The following PTPRN2 variants were observed in gnomAD, a reference collection of about 807,000 sequenced individuals.
PTPRN2 encodes the protein protein tyrosine phosphatase receptor type N2, also known as receptor-type tyrosine-protein phosphatase N2.
A neutral mutation model predicts 118.8 loss-of-function variants in PTPRN2; 74 were observed. The ratio of observed to expected loss-of-function variants is 0.62; its 90% CI spans 0.52 to 0.76. The LOEUF (loss-of-function observed/expected upper bound fraction) is 0.76, where lower values mean the gene tolerates loss of function less well. PTPRN2 is among the 30% of genes least tolerant of loss of function. The pLI is 0.00. For missense variants in PTPRN2, 1,481 were observed against 1,394.4 expected (o/e 1.06, Z -0.99); for synonymous variants, 641 against 608.0 (o/e 1.05, Z -0.80).
chr7:157,584,768 G>A (rs1255267774), intron 17 of PTPRN2, among the ~76,000 whole-genome samples: 3 of 152,242 alleles, frequency 2.0e-5, no homozygotes, highest in South Asian at 2.1e-4. Flanking sequence ...GGAGCTCACC[G>A]ATGCCTGGAA....
At chr7:157,972,346 G>T (rs555502389) in intron 11 of PTPRN2, among the ~76,000 whole-genome samples, 1 of 152,206 alleles carries the variant, frequency 6.6e-6, no homozygotes, top group Admixed American at 6.5e-5. Flanking sequence ...ATGGGACCTC[G>T]GGTCTTAAAG....
chr7:158,055,627 T>C (rs1809725980), intron 11 of PTPRN2, among the ~76,000 whole-genome samples: 1 of 152,152 alleles, frequency 6.6e-6, no homozygotes, highest in South Asian at 2.1e-4. Flanking sequence ...GTACTAAAAG[T>C]CTGATATGCA....
At chr7:158,501,684 C>T (rs1343022804) in intron 1 of PTPRN2, among the ~76,000 whole-genome samples, 2 of 152,296 alleles carry the variant, frequency 1.3e-5, no homozygotes, top group African/African-American at 2.4e-5. Flanking sequence ...CCACCAAAGG[C>T]GCTGTCACAG....
chr7:158,302,490 C>T (rs1250520676), intron 3 of PTPRN2, among the ~76,000 whole-genome samples: 2 of 152,250 alleles, frequency 1.3e-5, no homozygotes, highest in East Asian at 1.9e-4. Flanking sequence ...CCCAATTCAG[C>T]TTCCCTCACC....
At chr7:157,841,901 T>TA (rs1157863300) in intron 12 of PTPRN2, among the ~76,000 whole-genome samples, 1 of 82,604 alleles carries the variant, frequency 1.2e-5, no homozygotes, top group Non-Finnish European at 2.3e-5. Context: ...CAGCATACAG[T>TA]ACCCGGGGAC....
intron 11 of PTPRN2, among the ~76,000 whole-genome samples, chr7:158,000,371 C>G (rs1225325951): frequency 5.6e-5 from 1 of 17,856 alleles, no homozygotes; most frequent in Non-Finnish European, 1.6e-4. Flanking sequence ...GCCCCAGGGC[C>G]ATGCTTGGTT....
chr7:157,648,870 TC>T (rs1306109284), intron 14 of PTPRN2, among the ~76,000 whole-genome samples: 22 of 145,976 alleles, frequency 1.5e-4, no homozygotes, highest in Non-Finnish European at 1.6e-4. Flanking sequence ...ACTCGGTGGG[TC>T]GGACCCATCC....
At position 157,591,531 on chromosome 7, in the gene PTPRN2, T is replaced by A. The variant is rs1800985960; in HGVS notation, c.2496+3707A>T. On this transcript the variant is annotated intron_variant, in intron 17 of 22. Transcript: ENST00000389418. This position sits in a 1 kb window ranked among gnomAD's most constrained non-coding sequence, Gnocchi z 4.4. Reference sequence around the variant, plus strand: ...CACCTTTGTCCTTAAAAATACACGTTACCGTGGGTTTGGAAAAGTTCTGCC... The same window carrying A: ...CACCTTTGTCCTTAAAAATACACGTAACCGTGGGTTTGGAAAAGTTCTGCC... Among the ~76,000 whole-genome samples the A allele has an allele frequency of 6.6e-6, 1 of 152,248 alleles. No homozygotes were observed. Among genetic ancestry groups the A allele is most frequent in the Admixed American group, 6.5e-5 (1 of 15,286 alleles).
chr7:158,171,336 TATATATATATATAC>T (rs1563555899), intron 5 of PTPRN2, among the ~76,000 whole-genome samples: 15 of 121,186 alleles, frequency 1.2e-4, no homozygotes, highest in African/African-American at 4.2e-4. Flanking sequence ...TATATATATA[TATATATATATATAC>T]ACACACACAT....
intron 1 of PTPRN2, among the ~76,000 whole-genome samples, chr7:158,564,352 T>A (rs1352402134): frequency 6.6e-6 from 1 of 152,226 alleles, no homozygotes; most frequent in Admixed American, 6.5e-5. Flanking sequence ...AAGTGGGATT[T>A]GGGGGTAATA....
intron 3 of PTPRN2, among the ~76,000 whole-genome samples, chr7:158,268,078 C>G (rs758911769): frequency 2.6e-5 from 4 of 152,180 alleles, no homozygotes; most frequent in South Asian, 4.2e-4. Context: ...CTTCAAGGCA[C>G]GAGATCCTCA....
intron 12 of PTPRN2, among the ~76,000 whole-genome samples, chr7:157,834,320 C>G (rs1252153384): frequency 2.2e-5 from 3 of 138,634 alleles, no homozygotes; most frequent in Admixed American, 1.4e-4. Flanking sequence ...CACCAGTGAG[C>G]CAGCAGCACT....
chr7:157,993,891 G>C (rs532336160), intron 11 of PTPRN2, among the ~76,000 whole-genome samples: 32 of 152,236 alleles, frequency 2.1e-4, no homozygotes, highest in Non-Finnish European at 2.2e-4. Flanking sequence ...AAACCCAAGG[G>C]GGGTCAGTGG....
chr7:158,103,816 G>C (rs1194416418), intron 10 of PTPRN2, among the ~76,000 whole-genome samples: 2 of 152,072 alleles, frequency 1.3e-5, no homozygotes, highest in Non-Finnish European at 2.9e-5. Context: ...AGCCCATGAT[G>C]GTTAGCAGCC....
At chr7:157,656,230 G>T in intron 14 of PTPRN2, 127 bp downstream of exon 14, 1 of 936,292 alleles carries the variant, frequency 1.1e-6, no homozygotes, top group Non-Finnish European at 1.6e-6. Flanking sequence ...AGCCTCTGCA[G>T]CGGGCAGGGT....
At chr7:157,985,040 C>T (rs1352923072) in intron 11 of PTPRN2, among the ~76,000 whole-genome samples, 1 of 152,204 alleles carries the variant, frequency 6.6e-6, no homozygotes, top group Non-Finnish European at 1.5e-5. Context: ...TCTAGCACTC[C>T]TCTTGGTTCA....
At chr7:158,149,970 A>G (rs1820790783) in intron 6 of PTPRN2, among the ~76,000 whole-genome samples, 1 of 152,234 alleles carries the variant, frequency 6.6e-6, no homozygotes, top group African/African-American at 2.4e-5. Context: ...AAAGTAAGCA[A>G]CACAATTCTT....
At chr7:157,716,208 C>A (rs1040192578) in intron 12 of PTPRN2, among the ~76,000 whole-genome samples, 1 of 152,250 alleles carries the variant, frequency 6.6e-6, no homozygotes, top group Non-Finnish European at 1.5e-5. Context: ...CCTGAGTCCT[C>A]GTCCTAAGAA....
chr7:158,334,432 A>G (rs1473811771), intron 2 of PTPRN2, among the ~76,000 whole-genome samples: 7 of 60,348 alleles, frequency 1.2e-4, no homozygotes, highest in African/African-American at 1.7e-4. Flanking sequence ...CGTCACTCAC[A>G]CCCACACTCT....
Sources: gnomAD v4.1 joint callset for allele counts (sites outside exome capture counted in the v4.1 genomes callset) on GRCh38, gnomAD v4.1.1 for gene constraint, Gnocchi (gnomAD v3.1) non-coding constraint, MANE v1.5 for transcripts, NCBI Gene and HGNC (gene_info 2026-07-23, HGNC 2026-07-21) for gene names.